Variants in DBX2 observed in about 807,000 individuals in gnomAD.
DBX2 encodes the protein developing brain homeobox 2.
In DBX2, 16 loss-of-function variants were observed where a neutral mutation model predicts 17.7. The ratio of observed to expected loss-of-function variants is 0.90; its 90% CI spans 0.61 to 1.37. The LOEUF is 1.37. Among genes scored for constraint, DBX2 ranks in the 40% most tolerant of loss-of-function variants. The pLI, the probability that DBX2 is intolerant of heterozygous loss-of-function variation, is 0.00. For missense variants in DBX2, 538 were observed against 433.8 expected (o/e 1.24, Z -2.13); for synonymous variants, 255 against 183.8 (o/e 1.39, Z -3.13).
At chr12:45,033,522 T>A (rs533041733) in intron 2 of DBX2, among the ~76,000 whole-genome samples, 5 of 152,294 alleles carry the variant, frequency 3.3e-5, no homozygotes, top group African/African-American at 1.2e-4. Flanking sequence ...TGTACAGATG[T>A]AAACCTTATT....
chr12:45,023,615 AG>A lies in DBX2; in HGVS notation c.687+91del. ...TTGTGTGCCTTAAGAAATCAGAAGCAGTTGCCTACGGCCCACCACCCTGAAC... is the reference window on the plus strand; with the variant it reads ...TTGTGTGCCTTAAGAAATCAGAAGCATTGCCTACGGCCCACCACCCTGAAC... On this transcript the variant is annotated intron_variant, in intron 3 of 3. Transcript: ENST00000332700. 3 of 1,423,856 alleles carry A rather than the reference AG, an allele frequency of 2.1e-6. No homozygotes were observed. In the South Asian group the frequency reaches 3.8e-5, roughly 18 times the overall value. The allele number at this position is 1,423,856 out of a possible 1,614,324, so 88.2% of individuals were successfully genotyped here. A position where few individuals can be genotyped will look rare whatever the true frequency, so the allele number is the denominator to read the frequency against.
chr12:45,036,681 A>G (rs1334233616), intron 1 of DBX2, among the ~76,000 whole-genome samples: 2 of 152,198 alleles, frequency 1.3e-5, no homozygotes, highest in Admixed American at 6.5e-5. Context: ...TTTAAAGTTT[A>G]TATCTCTTTG....
chr12:45,031,225 T>TGTGTGTGTGTGAGAGAGAGA lies in DBX2; in HGVS notation c.499+4793_499+4794insTCTCTCTCTCACACACACAC, dbSNP rs1377897653. On this transcript the variant is annotated intron_variant, in intron 2 of 3. Transcript: ENST00000332700. ...GTGTGTGTGTGTGTGTGTGTGTGTG[T>TGTGTGTGTGTGAGAGAGAGA]GAGAGAGAGAGAGAGAGAGAGAGAG... Among the ~76,000 whole-genome samples, 19 of 85,658 alleles carry TGTGTGTGTGTGAGAGAGAGA rather than the reference T, an allele frequency of 2.2e-4. No homozygotes were observed. In the East Asian group the frequency reaches 2.8e-3, roughly 12 times the overall value. 56.2% of individuals were successfully genotyped at this position (85,658 alleles called of 152,430 possible). A position where few individuals can be genotyped will look rare whatever the true frequency, so the allele number is the denominator to read the frequency against.
Position 45,036,049 on chromosome 12 carries a change from G to C in DBX2, c.469C>G (p.Arg157Gly). ...FYSACCGGSC[R>G]RPASSTAFPR... ...AAAGCAGTGGAGGATGCAGGGCGCC[G>C]ACAGGACCCACCGCAGCACGCCGAG... is the stretch of plus-strand genomic sequence containing the variant. Residue 157 changes from arginine (R) to glycine (G), a missense_variant, in exon 2 of 4, where the codon CGG becomes GGG. By Grantham distance (125) the Arg-to-Gly change is moderately radical (BLOSUM62 -2). Coordinates refer to ENST00000332700, the MANE Select transcript of DBX2 (RefSeq NM_001004329.3). The C allele has an allele frequency of 6.2e-7, 1 of 1,613,610 alleles. No individual in the cohort carries two copies. The highest frequency in any genetic ancestry group is 1.1e-5 in the South Asian group (1 of 90,892).
chr12:45,030,107 T>C (rs1946401744), intron 2 of DBX2, among the ~76,000 whole-genome samples: 1 of 151,600 alleles, frequency 6.6e-6, no homozygotes, highest in Non-Finnish European at 1.5e-5. Flanking sequence ...GGAGGGGAGG[T>C]TGGGGGAGAC....
intron 3 of DBX2, among the ~76,000 whole-genome samples, chr12:45,021,509 C>A (rs188137355): frequency 6.6e-6 from 1 of 152,292 alleles, no homozygotes; most frequent in African/African-American, 2.4e-5. Context: ...AACTTAGCTA[C>A]GTTCCACTGC....
In DBX2 at chr12:45,050,735, C is replaced by T; in HGVS notation, c.193G>A (p.Ala65Thr). Residue 65 changes from alanine (A) to threonine (T), a missense_variant, in exon 1 of 4, where the codon GCC becomes ACC. Ala to Thr is a moderately conservative substitution (Grantham distance 58, BLOSUM62 0). Coordinates refer to ENST00000332700, the MANE Select transcript of DBX2 (RefSeq NM_001004329.3). ...QPPAPHDPAT[A>T]LATAGAQLRP... ...AGCTGCGCGCCCGCGGTGGCCAGGGCGGTCGCCGGGTCGTGGGGCGCGGGC... is the reference window on the plus strand; with the variant it reads ...AGCTGCGCGCCCGCGGTGGCCAGGGTGGTCGCCGGGTCGTGGGGCGCGGGC... The T allele has an allele frequency of 2.0e-6, 3 of 1,494,610 alleles. No homozygotes were observed. The highest frequency in any genetic ancestry group is 2.7e-6 in the Non-Finnish European group (3 of 1,124,256). The allele number at this position is 1,494,610 out of a possible 1,614,324, so 92.6% of individuals were successfully genotyped here.
At chr12:45,024,895 T>C (rs1452896473) in intron 2 of DBX2, among the ~76,000 whole-genome samples, 4 of 152,218 alleles carry the variant, frequency 2.6e-5, no homozygotes, top group African/African-American at 4.8e-5. Context: ...TACAATTCCA[T>C]TGATCATCAA....
intron 3 of DBX2, among the ~76,000 whole-genome samples, chr12:45,022,208 G>A (rs990726083): frequency 4.0e-5 from 6 of 151,688 alleles, no homozygotes; most frequent in Non-Finnish European, 8.8e-5. Context: ...ACCACACCTC[G>A]TGCGGCTTCC....
chr12:45,039,873 T>C (rs1024646560), intron 1 of DBX2, among the ~76,000 whole-genome samples: 2 of 147,560 alleles, frequency 1.4e-5, no homozygotes, highest in Admixed American at 6.9e-5. Context: ...AAGATTTCCA[T>C]GAGAGAGAAA....
intron 1 of DBX2, among the ~76,000 whole-genome samples, chr12:45,044,248 C>T (rs141686680): frequency 0.01 from 1,561 of 152,130 alleles, 33 homozygotes; most frequent in African/African-American, 0.034. Flanking sequence ...GTTTCAGACC[C>T]AATATAACCA....
chr12:45,032,609 C>T (rs145066461), intron 2 of DBX2, among the ~76,000 whole-genome samples: 17 of 152,190 alleles, frequency 1.1e-4, no homozygotes, highest in Admixed American at 2.6e-4. Flanking sequence ...GAGTGTATTA[C>T]GTTTTTTTAA....
At position 45,025,433 on chromosome 12, in the gene DBX2, C is replaced by T. The variant is rs923571352; in HGVS notation, c.500-1539G>A. Among the ~76,000 whole-genome samples the T allele has an allele frequency of 1.5e-4, 23 of 152,088 alleles. No individual in the cohort carries two copies. In the South Asian group the frequency reaches 1.9e-3, roughly 12 times the overall value. On this transcript the variant is annotated intron_variant, in intron 2 of 3. Coordinates refer to ENST00000332700, the MANE Select transcript of DBX2 (RefSeq NM_001004329.3). ...CTATGAGACCCATTTCAGGGTCTGA[C>T]CTCTATAACTATAAAATAATAAGTA...
chr12:45,016,729 C>T, intron 3 of DBX2, 111 bp from the exon 4 acceptor site: 1 of 987,676 alleles, frequency 1.0e-6, no homozygotes, highest in Non-Finnish European at 1.4e-6. Context: ...CTTATTATGA[C>T]AGCCAACCTC....
rs191186495 is a variant in DBX2 at position 45,049,271 on chromosome 12, A to C, written c.403+1254T>G. ...GAAAATGTTATTTTTATGAAATTTA[A>C]TTTATTAACTCTCTTCCAAGTGAAT... On this transcript the variant is annotated intron_variant, in intron 1 of 3. Coordinates refer to ENST00000332700, the MANE Select transcript of DBX2 (RefSeq NM_001004329.3). Among the ~76,000 whole-genome samples the C allele has an allele frequency of 2.0e-4, 30 of 152,348 alleles. No homozygotes were observed. In the East Asian group the frequency reaches 4.2e-3, roughly 22 times the overall value.
intron 3 of DBX2, among the ~76,000 whole-genome samples, chr12:45,020,679 A>ATATT (rs1946347144): frequency 6.7e-6 from 1 of 148,970 alleles, no homozygotes; most frequent in South Asian, 2.1e-4. Flanking sequence ...ATATATGTAT[A>ATATT]TATATATATA....
chr12:45,027,693 A>T (rs1268649944), intron 2 of DBX2, among the ~76,000 whole-genome samples: 1 of 152,200 alleles, frequency 6.6e-6, no homozygotes, highest in Non-Finnish European at 1.5e-5. Context: ...ACAAAAACAA[A>T]CACAGAATTG....
chr12:45,037,651 C>T (rs1946447849), intron 1 of DBX2, among the ~76,000 whole-genome samples: 1 of 152,056 alleles, frequency 6.6e-6, no homozygotes, highest in Admixed American at 6.6e-5. Flanking sequence ...TTGAAGAACA[C>T]AGTAATTTCA....
At chr12:45,041,174 C>T (rs1335732537) in intron 1 of DBX2, among the ~76,000 whole-genome samples, 1 of 145,928 alleles carries the variant, frequency 6.9e-6, no homozygotes, top group Non-Finnish European at 1.5e-5. Flanking sequence ...AAATAATTAA[C>T]TAAATAATAA....
Sources: gnomAD v4.1 joint callset for allele counts (sites outside exome capture counted in the v4.1 genomes callset) on GRCh38, gnomAD v4.1.1 for gene constraint, MANE v1.5 for transcripts, NCBI Gene and HGNC (gene_info 2026-07-23, HGNC 2026-07-21) for gene names.